S100Z: variants seen among roughly 807,000 people sequenced by gnomAD.
S100Z encodes protein S100-Z.
In S100Z, 11 loss-of-function variants were observed where a neutral mutation model predicts 8.5. The ratio of observed to expected loss-of-function variants is 1.30; its 90% CI spans 0.82 to 2.15. S100Z has a LOEUF of 2.15. S100Z is among the 30% of genes most tolerant of loss of function. S100Z has a pLI of 0.00. For missense variants in S100Z, 126 were observed against 117.9 expected (o/e 1.07, Z -0.32); for synonymous variants, 34 against 43.8 (o/e 0.78, Z 0.89).
chr5:76,930,933 T>G, the S100Z span, among the ~76,000 whole-genome samples: 8 of 152,160 alleles, frequency 5.3e-5, no homozygotes, highest in Admixed American at 1.3e-4. Flanking sequence ...AATGGACACC[T>G]AAATCAATTC....
chr5:76,908,072 C>T (rs573381416), intron 4 of S100Z, among the ~76,000 whole-genome samples: 30 of 152,224 alleles, frequency 2.0e-4, no homozygotes, highest in South Asian at 1.9e-3. Flanking sequence ...GTTGAGGATT[C>T]GGTAAGCCAT....
chr5:76,935,684 C>T, the S100Z span, among the ~76,000 whole-genome samples: 2,882 of 151,412 alleles, frequency 0.019, 57 homozygotes, highest in Non-Finnish European at 0.025. Context: ...TTGATTTATC[C>T]TTGAATCTAG....
At position 76,904,691 on chromosome 5, in the gene S100Z, A is replaced by C. The variant is rs571097952; in HGVS notation, c.*3-16026A>C. ...GCTTTTTGGTCCACAGGTGTATACCACCATGCCTGGCTAATTAAAAAAAAT... is the reference window on the plus strand; with the variant it reads ...GCTTTTTGGTCCACAGGTGTATACCCCCATGCCTGGCTAATTAAAAAAAAT... On this transcript the variant is annotated intron_variant, in intron 4 of 4. Coordinates refer to ENST00000317593, the MANE Select transcript of S100Z (RefSeq NM_130772.4). Among the ~76,000 whole-genome samples the C allele has an allele frequency of 1.5e-3, 221 of 151,992 alleles. 1 individual carries two copies. The highest frequency in any genetic ancestry group is 5.0e-3 in the African/African-American group (208 of 41,376).
At chr5:76,851,940 G>C (rs541103941) in intron 1 of S100Z, among the ~76,000 whole-genome samples, 1 of 152,268 alleles carries the variant, frequency 6.6e-6, no homozygotes, top group African/African-American at 2.4e-5. Context: ...TTTCCTGTTT[G>C]AGTTGTCCTG....
chr5:76,859,129 A>C (rs1263234015), intron 1 of S100Z, among the ~76,000 whole-genome samples: 1 of 152,194 alleles, frequency 6.6e-6, no homozygotes, highest in Non-Finnish European at 1.5e-5. Flanking sequence ...AATAATAATG[A>C]TGATGATAAT....
Position 76,898,934 on chromosome 5 carries a change from T to TTTTC in S100Z, c.*2+21103_*2+21104insCTTT, listed in dbSNP as rs1491468947. On this transcript the variant is annotated intron_variant, in intron 4 of 4. Transcript: ENST00000317593. ...CATTGGGTCCTGGGCTTTTCTTTTC[T>TTTTC]TTTTTTTTTTTTTTTTTTGAGACAG... Among the ~76,000 whole-genome samples, 125 of 20,324 alleles carry TTTTC rather than the reference T, an allele frequency of 6.2e-3. 2 individuals are homozygous for TTTTC. The highest frequency in any genetic ancestry group is 1.8e-3 in the Non-Finnish European group (18 of 9,784). The allele number at this position is 20,324 out of a possible 152,430, so 13.3% of individuals were successfully genotyped here.
intron 4 of S100Z, among the ~76,000 whole-genome samples, chr5:76,906,361 A>G (rs551885820): frequency 6.6e-6 from 1 of 152,194 alleles, no homozygotes; most frequent in Non-Finnish European, 1.5e-5. Context: ...CATGCTATAC[A>G]ATAGATCTCC....
intron 4 of S100Z, among the ~76,000 whole-genome samples, chr5:76,894,638 C>G (rs566397413): frequency 1.3e-5 from 2 of 150,772 alleles, no homozygotes; most frequent in Admixed American, 1.3e-4. Context: ...TCTTGTTGCC[C>G]AGGCTGGAGT....
At chr5:76,948,384 G>T in the S100Z span, among the ~76,000 whole-genome samples, 1 of 151,846 alleles carries the variant, frequency 6.6e-6, no homozygotes, top group Non-Finnish European at 1.5e-5. Context: ...GATCAACAGG[G>T]TGCAAAGGTA....
At chr5:76,894,594 A>ATT (rs544776998) in intron 4 of S100Z, among the ~76,000 whole-genome samples, 20 of 141,270 alleles carry the variant, frequency 1.4e-4, no homozygotes, top group South Asian at 4.5e-4. Flanking sequence ...GGTGATTTAA[A>ATT]TTTTTTTTTT....
At chr5:76,897,549 T>C (rs1744084598) in intron 4 of S100Z, among the ~76,000 whole-genome samples, 1 of 152,074 alleles carries the variant, frequency 6.6e-6, no homozygotes, top group Admixed American at 6.6e-5. Flanking sequence ...AAGGATTGCA[T>C]TGAATCCATA....
the S100Z span, among the ~76,000 whole-genome samples, chr5:76,929,806 G>T: frequency 3.9e-5 from 6 of 152,286 alleles, no homozygotes; most frequent in South Asian, 1.0e-3. Context: ...TGGTTGATGG[G>T]TGTTATTTAC....
intron 2 of S100Z, among the ~76,000 whole-genome samples, chr5:76,871,971 T>C (rs111674244): frequency 2.0e-5 from 3 of 152,364 alleles, no homozygotes; most frequent in Non-Finnish European, 4.4e-5. Context: ...GTACAGTGGC[T>C]CATGCCCATA....
intron 4 of S100Z, among the ~76,000 whole-genome samples, chr5:76,887,341 C>T (rs1460279591): frequency 6.7e-6 from 1 of 149,906 alleles, no homozygotes; most frequent in Non-Finnish European, 1.5e-5. Context: ...TTGTAATCTG[C>T]CTGCTTCAGC....
intron 4 of S100Z, among the ~76,000 whole-genome samples, chr5:76,914,417 C>A (rs1265780287): frequency 6.7e-6 from 1 of 149,360 alleles, no homozygotes; most frequent in Admixed American, 6.7e-5. Flanking sequence ...AATCAGCTCT[C>A]TGTAAAATGG....
the S100Z span, among the ~76,000 whole-genome samples, chr5:76,944,457 G>A: frequency 6.6e-6 from 1 of 152,070 alleles, no homozygotes; most frequent in Non-Finnish European, 1.5e-5. Context: ...TATGACAAAG[G>A]CTCTTCAAGC....
chr5:76,899,346 T>C (rs545963089), intron 4 of S100Z, among the ~76,000 whole-genome samples: 176 of 152,310 alleles, frequency 1.2e-3, no homozygotes, highest in African/African-American at 4.0e-3. Flanking sequence ...TTATAGTCCA[T>C]GTTGTTATTG....
At chr5:76,939,387 C>G in the S100Z span, among the ~76,000 whole-genome samples, 1 of 151,740 alleles carries the variant, frequency 6.6e-6, no homozygotes, top group African/African-American at 2.4e-5. Flanking sequence ...CTCCTGACCT[C>G]GTGATCCGCC....
At chr5:76,892,454 C>G (rs1038536410) in intron 4 of S100Z, among the ~76,000 whole-genome samples, 2 of 152,176 alleles carry the variant, frequency 1.3e-5, no homozygotes, top group African/African-American at 4.8e-5. Context: ...TCTCAAAGAA[C>G]ATTTATTATG....
Sources: gnomAD v4.1 joint callset for allele counts (sites outside exome capture counted in the v4.1 genomes callset) on GRCh38, gnomAD v4.1.1 for gene constraint, MANE v1.5 for transcripts, NCBI Gene and HGNC (gene_info 2026-07-23, HGNC 2026-07-21) for gene names.